BCHE: variants seen among roughly 807,000 people sequenced by gnomAD.
BCHE encodes the protein butyrylcholinesterase, also known as cholinesterase.
BCHE carries 48 observed loss-of-function variants against 51.3 expected under a neutral mutation model. The observed-to-expected ratio is 0.94, with a 90% CI of 0.74 to 1.19. The LOEUF is 1.19. BCHE is among the 50% of genes most tolerant of loss of function. BCHE has a pLI of 0.00. For missense variants in BCHE, 847 were observed against 708.2 expected, an observed-to-expected ratio of 1.20 and a Z score of -2.23; for synonymous variants, 251 against 238.0, an observed-to-expected ratio of 1.05 and a Z score of -0.50.
intron 2 of BCHE, among the ~76,000 whole-genome samples, chr3:165,790,818 T>C (rs73026286): frequency 0.12 from 14,628 of 126,692 alleles, 766 homozygotes; most frequent in Admixed American, 0.19. Flanking sequence ...AACACGTGCT[T>C]AGAGTTTTCC....
intron 2 of BCHE, among the ~76,000 whole-genome samples, chr3:165,796,520 A>G (rs1377871573): frequency 6.6e-6 from 1 of 152,152 alleles, no homozygotes; most frequent in Non-Finnish European, 1.5e-5. Context: ...AATAAAATGG[A>G]GTATAAAATG....
intron 2 of BCHE, among the ~76,000 whole-genome samples, chr3:165,819,132 G>A (rs1483401439): frequency 6.9e-6 from 1 of 144,730 alleles, no homozygotes; most frequent in Non-Finnish European, 1.5e-5. Flanking sequence ...AGGCTGGAGT[G>A]CACTGGCACA....
At position 165,830,449 on chromosome 3, in the gene BCHE, AC is replaced by A; in HGVS notation, c.584del (p.Gly195ValfsTer16). On this transcript the variant is annotated frameshift_variant, in exon 2 of 4. Transcript: ENST00000264381. LOFTEE classifies it high-confidence loss of function. The stretch of plus-strand genomic sequence containing the variant: ...GAAGAGCCAACTGTTGATCAAATAA[AC>A]CCATGTTCCCTGGAGCCTCAGGATT... ...PGNPEAPGNM[G>X]LFDQQLALQW... The A allele has an allele frequency of 1.2e-6, 2 of 1,613,570 alleles. No homozygotes were observed. Among genetic ancestry groups the A allele is most frequent in the Middle Eastern group, 3.3e-4 (2 of 6,054 alleles).
chr3:165,793,640 G>T (rs1295343912), intron 2 of BCHE, among the ~76,000 whole-genome samples: 1 of 152,166 alleles, frequency 6.6e-6, no homozygotes, highest in Non-Finnish European at 1.5e-5. Context: ...GTTCACAAAT[G>T]ACAATTTCCG....
In BCHE at chr3:165,773,312, G is replaced by A; in HGVS notation, c.*70C>T. On this transcript the variant is annotated 3_prime_UTR_variant, in exon 4 of 4. Coordinates refer to ENST00000264381, the MANE Select transcript of BCHE (RefSeq NM_000055.4). ...ACATAATAACTTTTTTAGTAGGTGTGTAAAAAAGCTCCTGATATTTTTGCC... is the reference window on the plus strand; with the variant it reads ...ACATAATAACTTTTTTAGTAGGTGTATAAAAAAGCTCCTGATATTTTTGCC... 15 of 1,459,944 alleles carry A rather than the reference G, an allele frequency of 1.0e-5. No homozygotes were observed. Among genetic ancestry groups the A allele is most frequent in the Non-Finnish European group, 1.4e-5 (15 of 1,058,684 alleles). The allele number at this position is 1,459,944 out of a possible 1,614,324, so 90.4% of individuals were successfully genotyped here. A position where few individuals can be genotyped will look rare whatever the true frequency, so the allele number is the denominator to read the frequency against.
At chr3:165,804,073 G>A (rs1339192251) in intron 2 of BCHE, among the ~76,000 whole-genome samples, 1 of 150,486 alleles carries the variant, frequency 6.6e-6, no homozygotes, top group Non-Finnish European at 1.5e-5. Context: ...AAAAAACTCT[G>A]ATGATTTCTG....
At position 165,829,706 on chromosome 3, in the gene BCHE, T is replaced by C. The variant is rs1576670921; in HGVS notation, c.1328A>G (p.Asn443Ser). ...GTGTTCAAAATAGTAGAAAAAGGCATTATTTCCCCATTCTGAGAACTTCTT... is the reference window on the plus strand; with the variant it reads ...GTGTTCAAAATAGTAGAAAAAGGCACTATTTCCCCATTCTGAGAACTTCTT... ...FTKKFSEWGN[N>S]AFFYYFEHRS... is the part of the protein sequence containing the mutation. The change falls in exon 2 of 4, where the codon AAT becomes AGT. Residue 443 changes from asparagine to serine, a missense_variant. Physicochemically the swap from Asn to Ser is conservative, Grantham distance 46 (BLOSUM62 1). Transcript: ENST00000264381. 2 of 1,613,866 alleles carry C rather than the reference T, an allele frequency of 1.2e-6. No individual in the cohort carries two copies. The highest frequency in any genetic ancestry group is 1.7e-6 in the Non-Finnish European group (2 of 1,179,918).
intron 2 of BCHE, among the ~76,000 whole-genome samples, chr3:165,807,617 T>A (rs1232568201): frequency 6.6e-6 from 1 of 151,946 alleles, no homozygotes; most frequent in Non-Finnish European, 1.5e-5. Context: ...AGTGGCATGA[T>A]CTTGGCTCAT....
At chr3:165,786,797 C>A (rs1171186431) in intron 2 of BCHE, among the ~76,000 whole-genome samples, 1 of 151,664 alleles carries the variant, frequency 6.6e-6, no homozygotes, top group Non-Finnish European at 1.5e-5. Context: ...GTAATAATCT[C>A]ATTACTCCAG....
chr3:165,773,777 G>C (rs1276315685), intron 3 of BCHE, among the ~76,000 whole-genome samples: 1 of 134,168 alleles, frequency 7.5e-6, no homozygotes, highest in Non-Finnish European at 1.6e-5. Context: ...ATTGTATTAT[G>C]TATAATTACA....
Position 165,773,514 on chromosome 3 carries a change from A to C in BCHE, c.1685-8T>G, listed in dbSNP as rs1004662085. On this transcript the variant is annotated splice_polypyrimidine_tract_variant and splice_region_variant and intron_variant, in intron 3 of 3. Coordinates refer to ENST00000264381, the MANE Select transcript of BCHE (RefSeq NM_000055.4). ...CTGCTTCATCAATATTTCCTGTAAA[A>C]TATGGAATAAGTTGTATTAATCAAA... The C allele has an allele frequency of 8.1e-6, 13 of 1,602,944 alleles. No individual in the cohort carries two copies. Among genetic ancestry groups the C allele is most frequent in the Non-Finnish European group, 1.1e-5 (13 of 1,170,952 alleles).
chr3:165,774,659 A>G (rs1712398597), intron 3 of BCHE, among the ~76,000 whole-genome samples: 1 of 152,126 alleles, frequency 6.6e-6, no homozygotes, highest in Admixed American at 6.6e-5. Context: ...ATGGGAAACA[A>G]CATTAAGTCA....
chr3:165,811,031 G>A (rs1234692167), intron 2 of BCHE, among the ~76,000 whole-genome samples: 1 of 152,056 alleles, frequency 6.6e-6, no homozygotes, highest in Non-Finnish European at 1.5e-5. Context: ...GCACAGTGAC[G>A]ATACAAGTAG....
At chr3:165,787,253 A>T (rs1256666164) in intron 2 of BCHE, among the ~76,000 whole-genome samples, 1 of 151,872 alleles carries the variant, frequency 6.6e-6, no homozygotes, top group Non-Finnish European at 1.5e-5. Flanking sequence ...TGCCAAGGTC[A>T]CACAAACAGG....
intron 2 of BCHE, among the ~76,000 whole-genome samples, chr3:165,786,767 T>A (rs1712972655): frequency 6.6e-6 from 1 of 151,726 alleles, no homozygotes; most frequent in African/African-American, 2.4e-5. Flanking sequence ...AAGACCAAGT[T>A]TAATTACAAA....
Position 165,829,516 on chromosome 3 carries a change from C to G in BCHE, c.1517+1G>C. ...GAACAATGACAAAAATCAGCACTTACCCATATTTTGCAAAATTTGCCCACC... is the reference window on the plus strand; with the variant it reads ...GAACAATGACAAAAATCAGCACTTAGCCATATTTTGCAAAATTTGCCCACC... On this transcript the variant is annotated splice_donor_variant, in intron 2 of 3. Coordinates refer to ENST00000264381, the MANE Select transcript of BCHE (RefSeq NM_000055.4). LOFTEE classifies it high-confidence loss of function. 4.3e-6 allele frequency: 7 copies of G among 1,611,826 alleles called. No homozygotes were observed. The highest frequency in any genetic ancestry group is 5.9e-6 in the Non-Finnish European group (7 of 1,178,120).
chr3:165,811,129 A>T (rs144353527), intron 2 of BCHE, among the ~76,000 whole-genome samples: 1 of 152,298 alleles, frequency 6.6e-6, no homozygotes, highest in African/African-American at 2.4e-5. Flanking sequence ...TTATATTTTA[A>T]TTAGTAGAAT....
intron 3 of BCHE, among the ~76,000 whole-genome samples, chr3:165,783,406 T>C (rs909477011): frequency 4.1e-4 from 63 of 152,154 alleles, no homozygotes; most frequent in African/African-American, 1.5e-3. Flanking sequence ...TGTTTTGTTT[T>C]GCTTTTAATG....
intron 2 of BCHE, among the ~76,000 whole-genome samples, chr3:165,802,731 T>G (rs967332088): frequency 2.6e-5 from 4 of 152,078 alleles, no homozygotes; most frequent in African/African-American, 9.7e-5. Flanking sequence ...TTTTTTGTTT[T>G]GTTTTGTTTT....
Sources: gnomAD v4.1 joint callset for allele counts (sites outside exome capture counted in the v4.1 genomes callset) on GRCh38, gnomAD v4.1.1 for gene constraint, MANE v1.5 for transcripts, NCBI Gene and HGNC (gene_info 2026-07-23, HGNC 2026-07-21) for gene names.